Variants in EDEM2 observed in about 807,000 individuals in gnomAD.
EDEM2 encodes the protein ER degradation enhancing alpha-mannosidase like protein 2, also known as ER degradation-enhancing alpha-mannosidase-like protein 2.
Under a neutral mutation model 64.8 loss-of-function variants are expected in EDEM2, and 39 were observed. The observed-to-expected ratio is 0.60, with a 90% CI of 0.47 to 0.79. The LOEUF (loss-of-function observed/expected upper bound fraction) is 0.79, where lower values mean the gene tolerates loss of function less well. Among genes scored for constraint, EDEM2 ranks in the 30% least tolerant of loss-of-function variants. The pLI is 0.00. For missense variants in EDEM2, 609 were observed against 731.3 expected (o/e 0.83, Z 1.93); for synonymous variants, 296 against 291.5 (o/e 1.02, Z -0.16).
At chr20:35,145,999 T>A in intron 2 of EDEM2, among the ~76,000 whole-genome samples, 5 of 74,930 alleles carry the variant, frequency 6.7e-5, no homozygotes, top group Admixed American at 1.6e-4. Context: ...CGAAACTCCA[T>A]CTCAAAAAAA....
At chr20:35,141,520 C>T (rs2085653516) in intron 4 of EDEM2, among the ~76,000 whole-genome samples, 1 of 152,156 alleles carries the variant, frequency 6.6e-6, no homozygotes, top group Admixed American at 6.6e-5. Flanking sequence ...TGTCCCTCTG[C>T]TCTCTTCTCT....
chr20:35,136,945 T>TG (rs2085584611), intron 5 of EDEM2, among the ~76,000 whole-genome samples: 1 of 151,952 alleles, frequency 6.6e-6, no homozygotes, highest in Non-Finnish European at 1.5e-5. Flanking sequence ...GACAAAAACA[T>TG]GGAGGCTTGA....
intron 7 of EDEM2, among the ~76,000 whole-genome samples, chr20:35,127,641 G>A (rs1004491452): frequency 6.6e-6 from 1 of 152,188 alleles, no homozygotes; most frequent in Non-Finnish European, 1.5e-5. Context: ...CATGTTCAGA[G>A]CTTGGCACAA....
chr20:35,130,782 G>A (rs2085496439), intron 7 of EDEM2, among the ~76,000 whole-genome samples: 1 of 152,204 alleles, frequency 6.6e-6, no homozygotes, highest in Non-Finnish European at 1.5e-5. Context: ...ATAGTAATTA[G>A]GTGCTCAACA....
chr20:35,127,968 T>C (rs1406799736), intron 7 of EDEM2, among the ~76,000 whole-genome samples: 1 of 152,260 alleles, frequency 6.6e-6, no homozygotes, highest in African/African-American at 2.4e-5. Context: ...ACACACCTAC[T>C]GTGCTGCCAG....
chr20:35,147,058 T>C, intron 1 of EDEM2, 94 bp downstream of exon 1: 1 of 1,541,490 alleles, frequency 6.5e-7, no homozygotes, highest in Non-Finnish European at 8.8e-7. Flanking sequence ...AGCGGCTGTG[T>C]CGGAGCAAGT....
chr20:35,135,357 C>T (rs996952865), intron 5 of EDEM2, among the ~76,000 whole-genome samples: 16 of 152,144 alleles, frequency 1.1e-4, no homozygotes, highest in East Asian at 1.9e-4. Flanking sequence ...GAGTAAGCCC[C>T]GTTCAAAGCC....
chr20:35,119,124 G>A (rs1303902450), intron 9 of EDEM2, among the ~76,000 whole-genome samples: 2 of 152,198 alleles, frequency 1.3e-5, no homozygotes, highest in African/African-American at 2.4e-5. Flanking sequence ...ACACCATGGC[G>A]AGCCATATAA....
At chr20:35,122,003 G>A (rs1043592819) in intron 9 of EDEM2, among the ~76,000 whole-genome samples, 1 of 152,100 alleles carries the variant, frequency 6.6e-6, no homozygotes, top group Non-Finnish European at 1.5e-5. Flanking sequence ...TGCCCAGGCT[G>A]ATCTTGAACC....
rs2085682487 is a variant in EDEM2, at chr20:35,143,247, A to G, written c.259-769T>C. Among the ~76,000 whole-genome samples the G allele has an allele frequency of 2.0e-5, 3 of 152,146 alleles. No individual in the cohort carries two copies. The South Asian group carries it at 6.2e-4, about 32-fold the overall frequency. On this transcript the variant is annotated intron_variant, in intron 3 of 10. Transcript: ENST00000374492. ...TGCAGTTGATTGTGTTACCCAGTCA[A>G]TTCTGACCCTTGAGAGGTCTACTGG...
chr20:35,121,256 C>T (rs1375899544), intron 9 of EDEM2, among the ~76,000 whole-genome samples: 1 of 152,110 alleles, frequency 6.6e-6, no homozygotes, highest in Non-Finnish European at 1.5e-5. Flanking sequence ...ACTAGACAGC[C>T]CTATCTGGGG....
chr20:35,126,120 C>G, intron 8 of EDEM2, 131 bp downstream of exon 8: 1 of 1,211,084 alleles, frequency 8.3e-7, no homozygotes, highest in South Asian at 1.6e-5. Flanking sequence ...GGTCTCTCTT[C>G]CATCCTCAAC....
rs2085667916 is a variant in EDEM2, at chr20:35,142,400, C to T, written c.337G>A (p.Ala113Thr). The stretch of plus-strand genomic sequence containing the variant: ...CGAATGTTTGTTTCAAACACAGAGG[C>T]GTTCACATCAATATCAAAGTCCACG... The part of the protein sequence containing the change: ...DSVDFDIDVN[A>T]SVFETNIRVV... The change falls in exon 4 of 11, where the codon GCC becomes ACC. Residue 113 changes from alanine (A) to threonine (T), a missense_variant. Transcript: ENST00000374492. 6.2e-7 allele frequency: 1 copy of T among 1,613,962 alleles called. No individual in the cohort carries two copies. The highest frequency in any genetic ancestry group is 1.1e-5 in the South Asian group (1 of 91,074).
At chr20:35,145,319 C>T (rs1018367842) in intron 2 of EDEM2, among the ~76,000 whole-genome samples, 2 of 152,172 alleles carry the variant, frequency 1.3e-5, no homozygotes, top group African/African-American at 2.4e-5. Context: ...AGGCCTTTCA[C>T]CAATTTTCAC....
Position 35,146,820 on chromosome 20 carries a change from A to G in EDEM2, c.218+5T>C, listed in dbSNP as rs376201000. ...GGCCGCCCCTTGCCCCTCCGCTCGC[A>G]CTACCTGCCCCAGGTGTCGTGCCCG... On this transcript the variant is annotated splice_donor_5th_base_variant and intron_variant, in intron 2 of 10. Coordinates refer to ENST00000374492, the MANE Select transcript of EDEM2 (RefSeq NM_018217.3). The G allele has an allele frequency of 8.3e-5, 134 of 1,613,578 alleles. No individual in the cohort carries two copies. In the African/African-American group the frequency reaches 1.6e-3, roughly 20 times the overall value.
chr20:35,115,823 G>A lies in EDEM2; in HGVS notation c.1347C>T (p.Asn449=), dbSNP rs372794507. ...TCACCGCGTCGAAGGTGGACCCATTGTTGTGGATGAAGTTGGTTGGGTCAA... is the reference window on the plus strand; with the variant it reads ...TCACCGCGTCGAAGGTGGACCCATTATTGTGGATGAAGTTGGTTGGGTCAA... The part of the protein sequence containing the change: ...LLFDPTNFIH[N]NGSTFDAVIT... Residue 449 remains asparagine, a synonymous_variant, in exon 11 of 11, where the codon AAC becomes AAT. Coordinates refer to ENST00000374492, the MANE Select transcript of EDEM2 (RefSeq NM_018217.3). The A allele has an allele frequency of 2.5e-6, 4 of 1,614,100 alleles. No homozygotes were observed. In the African/African-American group the frequency reaches 5.3e-5, roughly 22 times the overall value.
intron 3 of EDEM2, among the ~76,000 whole-genome samples, chr20:35,143,800 T>G (rs1316397707): frequency 6.6e-6 from 1 of 152,142 alleles, no homozygotes; most frequent in Non-Finnish European, 1.5e-5. Context: ...CATCACAGCC[T>G]CGAACTCTGG....
intron 2 of EDEM2, among the ~76,000 whole-genome samples, chr20:35,146,563 C>T (rs1466677164): frequency 3.3e-5 from 5 of 152,182 alleles, no homozygotes. Flanking sequence ...TTGCCTATGT[C>T]CCCACAGCTG....
intron 9 of EDEM2, among the ~76,000 whole-genome samples, chr20:35,122,693 C>T (rs2085384038): frequency 6.6e-6 from 1 of 152,172 alleles, no homozygotes; most frequent in Non-Finnish European, 1.5e-5. Context: ...GTTTTAAAAA[C>T]ATGCCATGAG....
Sources: allele counts gnomAD v4.1 joint callset (sites outside exome capture counted in the v4.1 genomes callset), GRCh38; gene constraint gnomAD v4.1.1; transcripts MANE v1.5; gene names NCBI Gene and HGNC (gene_info 2026-07-23, HGNC 2026-07-21).